Variants in USP19 observed in about 807,000 individuals in gnomAD.
USP19 encodes ubiquitin specific peptidase 19, also known as ubiquitin carboxyl-terminal hydrolase 19.
In USP19, 40 loss-of-function variants were observed where a neutral mutation model predicts 144.8. That is an observed-to-expected ratio of 0.28 (90% CI 0.21 to 0.36). USP19 has a LOEUF of 0.36. Among genes scored for constraint, USP19 ranks in the 10% least tolerant of loss-of-function variants. The pLI is 1.00. For synonymous variants in USP19, 701 were observed against 709.3 expected, an observed-to-expected ratio of 0.99 and a Z score of 0.19; for missense variants, 1,518 against 1,822.5, an observed-to-expected ratio of 0.83 and a Z score of 3.04.
chr3:49,120,784 T>C lies in USP19; in HGVS notation c.-165A>G, dbSNP rs1421873993. 3 of 246,958 alleles carry C rather than the reference T, an allele frequency of 1.2e-5. No individual in the cohort carries two copies. The highest frequency in any genetic ancestry group is 2.4e-5 in the Non-Finnish European group (3 of 124,106). 15.3% of individuals were successfully genotyped at this position (246,958 alleles called of 1,614,324 possible). On this transcript the variant is annotated 5_prime_UTR_variant, in exon 1 of 27. Transcript: ENST00000417901. ...GCGAGACCGCCGCAGCCAGCCCTCT[T>C]CGGGCCCTGGCAACCCGCTCTCCGT...
rs1374650675 is a variant in USP19 at position 49,116,122 on chromosome 3, C to T, written c.1396G>A (p.Ala466Thr). 3 of 1,613,460 alleles carry T rather than the reference C, an allele frequency of 1.9e-6. No individual in the cohort carries two copies. The Admixed American group carries it at 5.0e-5, about 27-fold the overall frequency. The change falls in exon 10 of 27, where the codon GCT (alanine) becomes ACT (threonine). Residue 466 changes from alanine to threonine, a missense_variant. Physicochemically the swap from Ala to Thr is moderately conservative, Grantham distance 58 (BLOSUM62 0). Around this residue, in one of 5 missense-constraint regions of USP19, gnomAD observed 707 missense variants for 728.9 expected, o/e 0.97. Coordinates refer to ENST00000417901, the MANE Select transcript of USP19 (RefSeq NM_001199161.2). The surrounding 1 kb of genome is among the most constrained non-coding windows in gnomAD (Gnocchi z 5.0). Reference protein sequence around the residue: ...EPEQCTFCFTASRIDICLRKR... With the variant: ...EPEQCTFCFTTSRIDICLRKR... The stretch of plus-strand genomic sequence containing the variant: ...CGAAGGCAGATGTCGATGCGAGAAG[C>T]CGTGAAACAGAAGGTGCACTGCTCT...
At position 49,114,223 on chromosome 3, in the gene USP19, A is replaced by C. The variant is rs1181245050; in HGVS notation, c.2354T>G (p.Val785Gly). 5 of 1,614,214 alleles carry C rather than the reference A, an allele frequency of 3.1e-6. No individual in the cohort carries two copies. In the Admixed American group the frequency reaches 8.3e-5, roughly 27 times the overall value. The change falls in exon 16 of 27, where the codon GTT (valine) becomes GGT (glycine). Residue 785 changes from valine (V) to glycine (G), a missense_variant. Transcript: ENST00000417901. The surrounding 1 kb of genome is among the most constrained non-coding windows in gnomAD (Gnocchi z 4.5). The part of the protein sequence containing the change: ...LPVPLPQKQK[V>G]LPVFYFAREP... ...TCGGGCAAAATAAAAGACAGGGAGA[A>C]CCTTTTGCTTTTGTGGCAAGGGCAC...
rs774670326 is a variant in USP19, at chr3:49,119,039, T to C, written c.107A>G (p.Asp36Gly). Residue 36 changes from aspartate (D) to glycine (G), a missense_variant, in exon 2 of 27, where the codon GAT (aspartate) becomes GGT (glycine). Around this residue, in one of 5 missense-constraint regions of USP19, gnomAD observed 707 missense variants for 728.9 expected, o/e 0.97. Transcript: ENST00000417901. The stretch of plus-strand genomic sequence containing the variant: ...ACTCCCACCTTTCCTAGGATCTCCA[T>C]CCTTGCTCTCCTGGTTTGCTCGATC... ...QKDRANQESK[D>G]GDPRKETGSR... 1.2e-6 allele frequency: 2 copies of C among 1,614,184 alleles called. No individual in the cohort carries two copies. The highest frequency in any genetic ancestry group is 4.5e-5 in the East Asian group (2 of 44,874).
chr3:49,112,311 C>T lies in USP19; in HGVS notation c.2738G>A (p.Arg913Gln), dbSNP rs1297117300. 2.5e-6 allele frequency: 4 copies of T among 1,612,604 alleles called. No individual in the cohort carries two copies. The highest frequency in any genetic ancestry group is 1.3e-5 in the African/African-American group (1 of 74,866). ...GTTGCAGTAGCCCACACGGTAGCAC[C>T]GGGTACAGCGCTTCAGCTTTTCATC... ...SEDEKLKRCT[R>Q]CYRVGYCNQL... Residue 913 changes from arginine (R) to glutamine (Q), a missense_variant, in exon 19 of 27, where the codon CGG (arginine) becomes CAG (glutamine). Coordinates refer to ENST00000417901, the MANE Select transcript of USP19 (RefSeq NM_001199161.2). This position sits in a 1 kb window ranked among gnomAD's most constrained non-coding sequence, Gnocchi z 4.9.
At chr3:49,118,397 G>A (rs1175185018) in intron 2 of USP19, among the ~76,000 whole-genome samples, 6 of 152,014 alleles carry the variant, frequency 3.9e-5, no homozygotes, top group Middle Eastern at 3.4e-3. Flanking sequence ...GTGAAACCCC[G>A]TCTCTACTAA....
chr3:49,110,928 C>T lies in USP19; in HGVS notation c.3545+22G>A. ...TCTCTTCTCCATCCTGCCCCCTTAT[C>T]TACTTGCTGCTCTGTTCTCACCAGG... On this transcript the variant is annotated intron_variant, in intron 23 of 26. Coordinates refer to ENST00000417901, the MANE Select transcript of USP19 (RefSeq NM_001199161.2). The surrounding 1 kb of genome is among the most constrained non-coding windows in gnomAD (Gnocchi z 6.1). The T allele has an allele frequency of 3.7e-6, 6 of 1,613,864 alleles. No individual in the cohort carries two copies. Among genetic ancestry groups the T allele is most frequent in the Non-Finnish European group, 3.4e-6 (4 of 1,179,838 alleles).
chr3:49,113,091 G>A (rs1320775558), intron 17 of USP19, among the ~76,000 whole-genome samples: 1 of 152,168 alleles, frequency 6.6e-6, no homozygotes, highest in Non-Finnish European at 1.5e-5. Flanking sequence ...CGAACATAGG[G>A]ATAGTCCTGC....
At position 49,117,715 on chromosome 3, in the gene USP19, C is replaced by G. The variant is rs749520726; in HGVS notation, c.414G>C (p.Leu138=). 1 of 1,614,198 alleles carries G rather than the reference C, an allele frequency of 6.2e-7. No individual in the cohort carries two copies. Among genetic ancestry groups the G allele is most frequent in the Non-Finnish European group, 8.5e-7 (1 of 1,180,038 alleles). ...IVKLRVGVGP[L]QLEDVDAAFT... ...AAGCAGCATCTACATCCTCCAGCTG[C>G]AGGGGACCTACTCCCACACGAAGCT... Residue 138 remains leucine (L), a synonymous_variant, in exon 4 of 27, where the codon CTG becomes CTC. Coordinates refer to ENST00000417901, the MANE Select transcript of USP19 (RefSeq NM_001199161.2). The surrounding 1 kb of genome is among the most constrained non-coding windows in gnomAD (Gnocchi z 4.4).
At chr3:49,120,249 T>C (rs940249232) in intron 1 of USP19, among the ~76,000 whole-genome samples, 1 of 151,996 alleles carries the variant, frequency 6.6e-6, no homozygotes, top group Non-Finnish European at 1.5e-5. Flanking sequence ...CCCCTAAGTG[T>C]GTAAAGGAGG....
intron 1 of USP19, among the ~76,000 whole-genome samples, 157 bp from the exon 2 acceptor site, chr3:49,119,438 A>G (rs529033442): frequency 6.6e-5 from 10 of 152,340 alleles, no homozygotes; most frequent in Non-Finnish European, 8.8e-5. Flanking sequence ...AAGAGGTAAT[A>G]AATAATGCAA....
Position 49,117,099 on chromosome 3 carries a change from C to A in USP19, c.869G>T (p.Arg290Leu). 6.6e-7 allele frequency: 1 copy of A among 1,524,496 alleles called. No homozygotes were observed. Among genetic ancestry groups the A allele is most frequent in the Admixed American group, 2.1e-5 (1 of 46,724 alleles). The allele number at this position is 1,524,496 out of a possible 1,614,324, so 94.4% of individuals were successfully genotyped here. ...GDGSRDDPGPRGDAPPFVADP... is the reference protein window; with the variant it reads ...GDGSRDDPGPLGDAPPFVADP... ...AGCCACGAAGGGTGGGGCATCACCC[C>A]GGGGTCCAGGGTCATCCCTGGACCC... The change falls in exon 6 of 27, where the codon CGG (arginine) becomes CTG (leucine). Residue 290 changes from arginine to leucine, a missense_variant. Physicochemically the swap from Arg to Leu is moderately radical, Grantham distance 102. Transcript: ENST00000417901. This position sits in a 1 kb window ranked among gnomAD's most constrained non-coding sequence, Gnocchi z 4.4.
chr3:49,117,374 C>G lies in USP19; in HGVS notation c.607-13G>C. ...CTAGAGGTTTCTTCTGCCAAAGATACAGCAGTCAGGCCCTGTCGACTACAC... is the reference window on the plus strand; with the variant it reads ...CTAGAGGTTTCTTCTGCCAAAGATAGAGCAGTCAGGCCCTGTCGACTACAC... On this transcript the variant is annotated splice_polypyrimidine_tract_variant and intron_variant, in intron 5 of 26. Coordinates refer to ENST00000417901, the MANE Select transcript of USP19 (RefSeq NM_001199161.2). The surrounding 1 kb of genome is among the most constrained non-coding windows in gnomAD (Gnocchi z 4.4). The G allele has an allele frequency of 6.2e-7, 1 of 1,601,844 alleles. No homozygotes were observed. Among genetic ancestry groups the G allele is most frequent in the Admixed American group, 1.7e-5 (1 of 59,342 alleles).
At position 49,111,732 on chromosome 3, in the gene USP19, C is replaced by T; in HGVS notation, c.2985G>A (p.Leu995=). 6.4e-7 allele frequency: 1 copy of T among 1,566,884 alleles called. No homozygotes were observed. Among genetic ancestry groups the T allele is most frequent in the Non-Finnish European group, 8.7e-7 (1 of 1,155,986 alleles). ...LESQSPGCTT[L]LSTGSLEAGD... The stretch of plus-strand genomic sequence containing the variant: ...CAGCCTCCAGGGAACCTGTGGAGAG[C>T]AGTGTGGTGCAGCCAGGGCTCTGAG... Residue 995 remains leucine (L), a synonymous_variant, in exon 21 of 27, where the codon CTG becomes CTA. Coordinates refer to ENST00000417901, the MANE Select transcript of USP19 (RefSeq NM_001199161.2). This position sits in a 1 kb window ranked among gnomAD's most constrained non-coding sequence, Gnocchi z 5.9.
Position 49,118,128 on chromosome 3 carries a change from A to G in USP19, c.125-8T>C, listed in dbSNP as rs2044492982. 8.9e-7 allele frequency: 1 copy of G among 1,120,328 alleles called. No individual in the cohort carries two copies. The highest frequency in any genetic ancestry group is 1.3e-6 in the Non-Finnish European group (1 of 788,798). The allele number at this position is 1,120,328 out of a possible 1,614,324, so 69.4% of individuals were successfully genotyped here. ...CATATCGAGACCCTGTCTCTAAAAA[A>G]AAAATAAGAAAAATTAGTCAAGCAT... On this transcript the variant is annotated splice_polypyrimidine_tract_variant and splice_region_variant and intron_variant, in intron 2 of 26. Transcript: ENST00000417901.
Position 49,108,633 on chromosome 3 carries a change from C to T in USP19, c.4039-105G>A. The T allele has an allele frequency of 8.0e-7, 1 of 1,253,302 alleles. No homozygotes were observed. The highest frequency in any genetic ancestry group is 1.0e-6 in the Non-Finnish European group (1 of 994,612). The allele number at this position is 1,253,302 out of a possible 1,614,324, so 77.6% of individuals were successfully genotyped here. A position where few individuals can be genotyped will look rare whatever the true frequency, so the allele number is the denominator to read the frequency against. On this transcript the variant is annotated intron_variant, in intron 26 of 26. Coordinates refer to ENST00000417901, the MANE Select transcript of USP19 (RefSeq NM_001199161.2). This position sits in a 1 kb window ranked among gnomAD's most constrained non-coding sequence, Gnocchi z 4.8. ...TGGCACCCAAGGGAGGGTCCCAAGG[C>T]AGGCGCAGACAGCAGCGGCGTTGAG...
chr3:49,115,888 T>A lies in USP19; in HGVS notation c.1528A>T (p.Thr510Ser). 6.3e-7 allele frequency: 1 copy of A among 1,590,670 alleles called. No homozygotes were observed. The highest frequency in any genetic ancestry group is 8.6e-7 in the Non-Finnish European group (1 of 1,169,128). Residue 510 changes from threonine (T) to serine (S), a missense_variant, in exon 11 of 27, where the codon ACC (threonine) becomes TCC (serine). Physicochemically the swap from Thr to Ser is moderately conservative, Grantham distance 58. Around this residue, in one of 5 missense-constraint regions of USP19, gnomAD observed 707 missense variants for 728.9 expected, o/e 0.97. Coordinates refer to ENST00000417901, the MANE Select transcript of USP19 (RefSeq NM_001199161.2). The surrounding 1 kb of genome is among the most constrained non-coding windows in gnomAD (Gnocchi z 6.6). ...GGGTGGGGAGCACCTCCTGGTGGGG[T>A]TGAATCCAGAGGGGTTGGACCTGTC... ...VPTGPTPLDS[T>S]PPGGAPHPLT...
Position 49,115,112 on chromosome 3 carries a change from A to G in USP19, c.2028T>C (p.Ile676=), listed in dbSNP as rs2043856391. Residue 676 remains isoleucine (I), a synonymous_variant, in exon 14 of 27, where the codon ATT becomes ATC. Transcript: ENST00000417901. The surrounding 1 kb of genome is among the most constrained non-coding windows in gnomAD (Gnocchi z 6.6). The stretch of plus-strand genomic sequence containing the variant: ...TGAACTGGCTGGCCTTACTCGCCAC[A>G]ATGGCCTGGATACAGGAGCCAAGGT... ...HAFQPSKLKA[I]VASKASQFTG... is the part of the protein sequence containing the mutation. 1 of 1,613,960 alleles carries G rather than the reference A, an allele frequency of 6.2e-7. No individual in the cohort carries two copies. The highest frequency in any genetic ancestry group is 8.5e-7 in the Non-Finnish European group (1 of 1,179,928).
rs576633691 is a variant in USP19 at position 49,115,376 on chromosome 3, C to CGAGCAAAGGTGTGAG, written c.1889-30_1889-16dup. ...AAAGGAGCGGTCTAGGAATAGTAGC[C>CGAGCAAAGGTGTGAG]GAGCAAAGGTGTGAGGAACAAAGGC... On this transcript the variant is annotated splice_polypyrimidine_tract_variant and intron_variant, in intron 12 of 26. Transcript: ENST00000417901. This position sits in a 1 kb window ranked among gnomAD's most constrained non-coding sequence, Gnocchi z 6.6. 131 of 1,614,152 alleles carry CGAGCAAAGGTGTGAG rather than the reference C, an allele frequency of 8.1e-5. No individual in the cohort carries two copies. In the African/African-American group the frequency reaches 1.1e-3, roughly 14 times the overall value.
In USP19 at chr3:49,117,326, C is replaced by T; in HGVS notation, c.642G>A (p.Gly214=). ...CCTGCCCATTCTCCTGGCACCGCAG[C>T]CCCGGCACCAGCTCCTGGGTCCCTA... ...KPLGTQELVP[G]LRCQENGQEL... Residue 214 remains glycine, a synonymous_variant, in exon 6 of 27, where the codon GGG becomes GGA. Transcript: ENST00000417901. The surrounding 1 kb of genome is among the most constrained non-coding windows in gnomAD (Gnocchi z 4.4). 1.3e-6 allele frequency: 2 copies of T among 1,586,814 alleles called. No homozygotes were observed. Among genetic ancestry groups the T allele is most frequent in the Admixed American group, 1.7e-5 (1 of 57,448 alleles).
Sources: gnomAD v4.1 joint callset for allele counts (sites outside exome capture counted in the v4.1 genomes callset) on GRCh38, gnomAD v4.1.1 for gene constraint, gnomAD v4.1.1 regional missense constraint, Gnocchi (gnomAD v3.1) non-coding constraint, MANE v1.5 for transcripts, NCBI Gene and HGNC (gene_info 2026-07-23, HGNC 2026-07-21) for gene names.